GABRB1: variants seen among roughly 807,000 people sequenced by gnomAD.
The protein encoded by GABRB1 is gamma-aminobutyric acid receptor subunit beta-1.
Under a neutral mutation model 51.6 loss-of-function variants are expected in GABRB1, and 17 were observed. The observed-to-expected ratio is 0.33, with a 90% CI of 0.23 to 0.49. The LOEUF (loss-of-function observed/expected upper bound fraction) is 0.49. Ranked by LOEUF, GABRB1 falls within the 20% of genes least tolerant of loss-of-function variation. The pLI, the probability that GABRB1 is intolerant of heterozygous loss-of-function variation, is 0.99. For synonymous variants in GABRB1, 247 were observed against 218.9 expected (o/e 1.13, Z -1.14); for missense variants, 410 against 600.6 (o/e 0.68, Z 3.32).
At chr4:47,210,179 A>G (rs1254136013) in intron 4 of GABRB1, among the ~76,000 whole-genome samples, 1 of 152,172 alleles carries the variant, frequency 6.6e-6, no homozygotes, top group Non-Finnish European at 1.5e-5. Context: ...ATGGTAGGAC[A>G]CAGCAACTCT....
chr4:47,060,983 T>C (rs1726825151), intron 3 of GABRB1, among the ~76,000 whole-genome samples: 1 of 152,230 alleles, frequency 6.6e-6, no homozygotes, highest in African/African-American at 2.4e-5. Context: ...ATGGTTACTC[T>C]ACAATAAACA....
intron 4 of GABRB1, among the ~76,000 whole-genome samples, chr4:47,182,129 C>T (rs1456737136): frequency 3.8e-5 from 5 of 130,092 alleles, no homozygotes; most frequent in Non-Finnish European, 6.5e-5. Flanking sequence ...AACTTTGTAC[C>T]CAAAAGTGGG....
intron 4 of GABRB1, among the ~76,000 whole-genome samples, chr4:47,306,518 G>A (rs1185252422): frequency 6.6e-6 from 1 of 151,638 alleles, no homozygotes; most frequent in Non-Finnish European, 1.5e-5. Context: ...ATGGGAGGAG[G>A]AATTATAGAT....
At chr4:47,058,093 G>A (rs1018901681) in intron 3 of GABRB1, among the ~76,000 whole-genome samples, 11 of 152,186 alleles carry the variant, frequency 7.2e-5, no homozygotes, top group Non-Finnish European at 1.6e-4. Flanking sequence ...AGTTGTGAGA[G>A]GCAGGTGATT....
chr4:47,140,064 G>T, intron 3 of GABRB1, among the ~76,000 whole-genome samples: 1 of 149,010 alleles, frequency 6.7e-6, no homozygotes, highest in Non-Finnish European at 1.5e-5. Context: ...AAGACAGCAG[G>T]TTAATATTCC....
chr4:47,075,772 C>T (rs1429942616), intron 3 of GABRB1, among the ~76,000 whole-genome samples: 3 of 152,060 alleles, frequency 2.0e-5, no homozygotes, highest in Admixed American at 6.6e-5. Context: ...ATAAGAGATT[C>T]GGCACATTTA....
intron 4 of GABRB1, among the ~76,000 whole-genome samples, chr4:47,187,435 G>T (rs774955327): frequency 4.6e-5 from 7 of 151,820 alleles, no homozygotes; most frequent in Non-Finnish European, 1.0e-4. Flanking sequence ...CAAATTGCTT[G>T]TCCTTGTTTC....
intron 3 of GABRB1, among the ~76,000 whole-genome samples, chr4:47,071,340 C>T (rs1377740203): frequency 6.6e-6 from 1 of 152,172 alleles, no homozygotes; most frequent in East Asian, 1.9e-4. Flanking sequence ...GATCATGTTC[C>T]TCCTTTGCTC....
At chr4:47,242,841 G>T (rs1056197136) in intron 4 of GABRB1, among the ~76,000 whole-genome samples, 13 of 152,308 alleles carry the variant, frequency 8.5e-5, no homozygotes, top group Middle Eastern at 3.4e-3. Context: ...TAGGTTGTCT[G>T]TTCACTCTGA....
At chr4:47,084,649 C>T (rs1304607281) in intron 3 of GABRB1, among the ~76,000 whole-genome samples, 5 of 152,262 alleles carry the variant, frequency 3.3e-5, no homozygotes, top group East Asian at 1.9e-4. Context: ...TTTGGGGTTT[C>T]CCTTACCTAC....
At chr4:47,339,934 T>C (rs1725825305) in intron 5 of GABRB1, among the ~76,000 whole-genome samples, 1 of 151,932 alleles carries the variant, frequency 6.6e-6, no homozygotes, top group South Asian at 2.1e-4. Flanking sequence ...GTCCACTAAG[T>C]AATAAGTGAC....
intron 3 of GABRB1, among the ~76,000 whole-genome samples, chr4:47,046,852 T>C (rs1726112721): frequency 6.6e-6 from 1 of 152,040 alleles, no homozygotes; most frequent in African/African-American, 2.4e-5. Flanking sequence ...GGATATGGAT[T>C]GAGCTAGAGG....
chr4:47,374,343 C>T (rs147288569), intron 5 of GABRB1, among the ~76,000 whole-genome samples: 17 of 152,210 alleles, frequency 1.1e-4, no homozygotes, highest in African/African-American at 3.1e-4. Flanking sequence ...GAGTCGTGAT[C>T]GTAACACTGC....
chr4:47,255,889 G>A (rs562618964), intron 4 of GABRB1, among the ~76,000 whole-genome samples: 1 of 152,330 alleles, frequency 6.6e-6, no homozygotes, highest in Non-Finnish European at 1.5e-5. Context: ...TGTTACTGAT[G>A]AAGCAGGCAA....
chr4:47,132,946 A>G (rs1468924008), intron 3 of GABRB1, among the ~76,000 whole-genome samples: 2 of 152,154 alleles, frequency 1.3e-5, no homozygotes, highest in Non-Finnish European at 2.9e-5. Context: ...TCCCTGCTCA[A>G]ATGCTACTCT....
intron 1 of GABRB1, among the ~76,000 whole-genome samples, chr4:47,007,885 TATATATATAA>T (rs1274866060): frequency 1.3e-4 from 3 of 23,484 alleles, no homozygotes; most frequent in South Asian, 3.4e-3. Flanking sequence ...TATATATATA[TATATATATAA>T]AATCAAGTTT....
intron 3 of GABRB1, among the ~76,000 whole-genome samples, chr4:47,132,096 A>G (rs1716440821): frequency 6.6e-6 from 1 of 152,188 alleles, no homozygotes; most frequent in African/African-American, 2.4e-5. Context: ...ATGCAGGGGT[A>G]TTGAAGAAGA....
chr4:47,119,358 AG>A (rs1715652875), intron 3 of GABRB1, among the ~76,000 whole-genome samples: 2 of 152,190 alleles, frequency 1.3e-5, no homozygotes, highest in Non-Finnish European at 2.9e-5. Context: ...TTTAGGAAAC[AG>A]TGGAGTTTTT....
intron 1 of GABRB1, among the ~76,000 whole-genome samples, chr4:47,008,027 C>T (rs111349343): frequency 0.011 from 1,628 of 151,894 alleles, 13 homozygotes; most frequent in Non-Finnish European, 0.017. Context: ...TTTGCCCTTA[C>T]GCATTATTGG....
Sources: gnomAD v4.1 joint callset for allele counts (sites outside exome capture counted in the v4.1 genomes callset) on GRCh38, gnomAD v4.1.1 for gene constraint, MANE v1.5 for transcripts, NCBI Gene and HGNC (gene_info 2026-07-23, HGNC 2026-07-21) for gene names.